ZNF469: variants seen among roughly 807,000 people sequenced by gnomAD.
The protein encoded by ZNF469 is zinc finger protein 469.
A neutral mutation model predicts 1.0 loss-of-function variants in ZNF469; 1 was observed. The observed-to-expected ratio is 1.00, with a 90% confidence interval of 0.35 to 4.73. The LOEUF (loss-of-function observed/expected upper bound fraction) is 4.73, where lower values mean the gene tolerates loss of function less well. Among genes scored for constraint, ZNF469 ranks in the 30% most tolerant of loss-of-function variants. The pLI is 0.16. For missense variants in ZNF469, 6,100 were observed against 5,356.3 expected (o/e 1.14, Z -4.33); for synonymous variants, 2,703 against 2,363.4 (o/e 1.14, Z -4.17).
the ZNF469 span, among the ~76,000 whole-genome samples, chr16:88,274,303 G>A: frequency 8.5e-5 from 13 of 152,246 alleles, no homozygotes; most frequent in African/African-American, 3.1e-4. Flanking sequence ...CAGTTGGAAA[G>A]CTGAAGAGAG....
At chr16:88,291,810 G>T in the ZNF469 span, among the ~76,000 whole-genome samples, 1 of 152,114 alleles carries the variant, frequency 6.6e-6, no homozygotes, top group Admixed American at 6.5e-5. Flanking sequence ...AAGTCCTCCT[G>T]GGCCTCAGTC....
In ZNF469 at chr16:88,432,035, A is replaced by T. The variant is rs1318989237; in HGVS notation, c.4565A>T (p.Lys1522Met). 6.5e-7 allele frequency: 1 copy of T among 1,550,386 alleles called. No homozygotes were observed. The change falls in exon 3 of 3, where the codon AAG (lysine) becomes ATG (methionine). Residue 1522 changes from lysine to methionine, a missense_variant. Transcript: ENST00000565624. ...PSHFPDLSGG[K>M]VLSKTCPPER... Reference sequence around the variant, plus strand: ...CATTTTCCTGATCTCTCGGGGGGAAAGGTGCTCAGTAAGACGTGTCCCCCT... The same window carrying T: ...CATTTTCCTGATCTCTCGGGGGGAATGGTGCTCAGTAAGACGTGTCCCCCT...
the ZNF469 span, among the ~76,000 whole-genome samples, chr16:88,269,635 C>T: frequency 2.6e-5 from 4 of 152,126 alleles, no homozygotes; most frequent in African/African-American, 9.7e-5. Context: ...ATCCTCCCAC[C>T]CATCCTTACC....
At chr16:88,389,325 G>A (rs1053870741) in intron 1 of ZNF469, among the ~76,000 whole-genome samples, 20 of 152,242 alleles carry the variant, frequency 1.3e-4, no homozygotes, top group Admixed American at 7.8e-4. Flanking sequence ...GTGCCGTGGC[G>A]GGAGTCGGCG....
the ZNF469 span, among the ~76,000 whole-genome samples, chr16:88,222,203 C>G: frequency 0.014 from 2,203 of 152,364 alleles, 45 homozygotes; most frequent in South Asian, 0.057. Flanking sequence ...TGTTTTCTCT[C>G]TGCCTCCTCT....
the ZNF469 span, among the ~76,000 whole-genome samples, chr16:88,121,133 G>A: frequency 3.9e-5 from 5 of 128,690 alleles, no homozygotes; most frequent in African/African-American, 8.7e-5. Context: ...GGAGGGGGGC[G>A]CTGCATGAGG....
intron 1 of ZNF469, among the ~76,000 whole-genome samples, chr16:88,422,146 G>GT (rs1200895320): frequency 4.6e-5 from 7 of 150,996 alleles, no homozygotes; most frequent in African/African-American, 1.7e-4. Flanking sequence ...ATGGGTGAAC[G>GT]GGTGGGTGGA....
At chr16:88,274,849 A>T in the ZNF469 span, among the ~76,000 whole-genome samples, 2 of 152,240 alleles carry the variant, frequency 1.3e-5, no homozygotes, top group African/African-American at 2.4e-5. Context: ...TGGACCTGAC[A>T]TGGTTCGCAG....
the ZNF469 span, among the ~76,000 whole-genome samples, chr16:88,296,496 C>T: frequency 6.6e-6 from 1 of 150,570 alleles, no homozygotes; most frequent in African/African-American, 2.5e-5. Flanking sequence ...TATGTGCACA[C>T]TCACAGACAA....
At position 88,428,754 on chromosome 16, in the gene ZNF469, C is replaced by T. The variant is rs888770731; in HGVS notation, c.1284C>T (p.Ala428=). Residue 428 remains alanine, a synonymous_variant, in exon 3 of 3, where the codon GCC becomes GCT. Coordinates refer to ENST00000565624, the MANE Select transcript of ZNF469 (RefSeq NM_001367624.2). The part of the protein sequence containing the change: ...TSPGPPDTEL[A]APGPPPARLP... Reference sequence around the variant, plus strand: ...CGGGGCCTCCGGACACCGAGCTGGCCGCCCCAGGGCCCCCACCCGCCAGGC... The same window carrying T: ...CGGGGCCTCCGGACACCGAGCTGGCTGCCCCAGGGCCCCCACCCGCCAGGC... 3.7e-5 allele frequency: 57 copies of T among 1,545,664 alleles called. No homozygotes were observed. The highest frequency in any genetic ancestry group is 1.7e-4 in the Middle Eastern group (1 of 5,988).
At chr16:88,340,226 A>G in the ZNF469 span, among the ~76,000 whole-genome samples, 30,163 of 152,110 alleles carry the variant, frequency 0.2, 3,506 homozygotes, top group African/African-American at 0.32. Flanking sequence ...CCTGCAGAGC[A>G]GGGGGAGCCT....
At chr16:88,315,865 C>T in the ZNF469 span, among the ~76,000 whole-genome samples, 1 of 152,172 alleles carries the variant, frequency 6.6e-6, no homozygotes, top group Non-Finnish European at 1.5e-5. Context: ...TCCTCCAGGC[C>T]CTCCCCCTCC....
chr16:88,298,282 C>T, the ZNF469 span, among the ~76,000 whole-genome samples: 1 of 152,176 alleles, frequency 6.6e-6, no homozygotes, highest in Non-Finnish European at 1.5e-5. Flanking sequence ...GTCAGGGCTT[C>T]CCGGACCAAG....
chr16:88,403,563 A>C (rs1313345614), intron 1 of ZNF469, among the ~76,000 whole-genome samples: 1 of 145,396 alleles, frequency 6.9e-6, no homozygotes, highest in Non-Finnish European at 1.5e-5. Context: ...CACCGTCTGC[A>C]GAGGCCAGGG....
the ZNF469 span, among the ~76,000 whole-genome samples, chr16:88,307,356 C>T: frequency 6.6e-6 from 1 of 152,214 alleles, no homozygotes. Flanking sequence ...GAGTCCCCAG[C>T]TACAAGCAGC....
chr16:88,223,746 C>T, the ZNF469 span, among the ~76,000 whole-genome samples: 101 of 152,370 alleles, frequency 6.6e-4, no homozygotes, highest in Non-Finnish European at 1.2e-3. Context: ...CGCTGCCTCT[C>T]ATCCAGCCCG....
the ZNF469 span, among the ~76,000 whole-genome samples, chr16:88,264,741 A>T: frequency 1.7e-4 from 25 of 151,432 alleles, no homozygotes; most frequent in East Asian, 4.3e-3. Context: ...AGCCCCTCCC[A>T]GTCCAGTCCT....
chr16:88,243,402 C>T, the ZNF469 span, among the ~76,000 whole-genome samples: 337 of 152,302 alleles, frequency 2.2e-3, no homozygotes, highest in African/African-American at 7.7e-3. Context: ...GATATACCCA[C>T]CCCTTCTGGA....
the ZNF469 span, among the ~76,000 whole-genome samples, chr16:88,248,424 C>G: frequency 6.6e-6 from 1 of 152,234 alleles, no homozygotes; most frequent in Admixed American, 6.5e-5. Flanking sequence ...AAAAATTCCC[C>G]CCAACTGCCA....
Sources: allele counts gnomAD v4.1 joint callset (sites outside exome capture counted in the v4.1 genomes callset), GRCh38; gene constraint gnomAD v4.1.1; transcripts MANE v1.5; gene names NCBI Gene and HGNC (gene_info 2026-07-23, HGNC 2026-07-21).